The following TANGO6 variants were observed in gnomAD, a reference collection of about 807,000 sequenced individuals.
TANGO6 encodes transport and golgi organization 6 homolog, also known as transport and Golgi organization protein 6 homolog.
In TANGO6, 90 loss-of-function variants were observed where a neutral mutation model predicts 114.2. The observed-to-expected ratio is 0.79, with a 90% CI of 0.66 to 0.94. The LOEUF (loss-of-function observed/expected upper bound fraction) is 0.94, where lower values mean the gene tolerates loss of function less well. Among genes scored for constraint, TANGO6 ranks in the 40% least tolerant of loss-of-function variants. TANGO6 has a pLI of 0.00. For missense variants in TANGO6, 1,274 were observed against 1,315.3 expected, an observed-to-expected ratio of 0.97 and a Z score of 0.49; for synonymous variants, 477 against 509.8, an observed-to-expected ratio of 0.94 and a Z score of 0.87.
chr16:69,061,291 G>A (rs546898273), intron 17 of TANGO6, among the ~76,000 whole-genome samples: 82 of 152,164 alleles, frequency 5.4e-4, no homozygotes, highest in African/African-American at 1.7e-3. Flanking sequence ...CTGGCTGGAC[G>A]CAGTGGCTCA....
At chr16:69,017,037 C>G (rs901250908) in intron 15 of TANGO6, among the ~76,000 whole-genome samples, 5 of 151,812 alleles carry the variant, frequency 3.3e-5, no homozygotes, top group Non-Finnish European at 5.9e-5. Context: ...TGGAAGTAAA[C>G]GAAGACTGAA....
chr16:68,849,087 C>T (rs1276575795), intron 1 of TANGO6, among the ~76,000 whole-genome samples: 1 of 152,192 alleles, frequency 6.6e-6, no homozygotes, highest in Non-Finnish European at 1.5e-5. Context: ...ATAATCCCAG[C>T]ACTTTGGGAG....
intron 17 of TANGO6, among the ~76,000 whole-genome samples, chr16:69,081,345 C>A (rs12325031): frequency 2.6e-5 from 4 of 151,730 alleles, no homozygotes; most frequent in African/African-American, 9.7e-5. Flanking sequence ...CCTAGTTGGA[C>A]GAGTTGGTCC....
chr16:68,882,437 C>T (rs762207540), intron 7 of TANGO6, among the ~76,000 whole-genome samples: 10 of 151,562 alleles, frequency 6.6e-5, no homozygotes, highest in South Asian at 4.2e-4. Context: ...GCAGAGCTTG[C>T]AGTGAGCCGA....
chr16:68,884,421 T>C (rs1239569765), intron 7 of TANGO6, among the ~76,000 whole-genome samples: 1 of 152,192 alleles, frequency 6.6e-6, no homozygotes, highest in Non-Finnish European at 1.5e-5. Context: ...AAGAGGGGTC[T>C]TCTATCCTGT....
chr16:68,933,157 A>G (rs1807832005), intron 14 of TANGO6, among the ~76,000 whole-genome samples: 1 of 151,430 alleles, frequency 6.6e-6, no homozygotes, highest in South Asian at 2.1e-4. Context: ...GCTCACGCCT[A>G]TCATCCCAGC....
intron 1 of TANGO6, among the ~76,000 whole-genome samples, chr16:68,858,200 A>T (rs1028842545): frequency 6.6e-6 from 1 of 152,068 alleles, no homozygotes; most frequent in African/African-American, 2.4e-5. Flanking sequence ...AGTGGCTGGA[A>T]TTACAGGCAC....
At chr16:68,943,363 A>G (rs1048424416) in intron 14 of TANGO6, among the ~76,000 whole-genome samples, 1 of 131,596 alleles carries the variant, frequency 7.6e-6, no homozygotes, top group Non-Finnish European at 1.6e-5. Flanking sequence ...GAATCTGAGA[A>G]TTTTTTTTTT....
chr16:68,935,892 C>A (rs1259791316), intron 14 of TANGO6, among the ~76,000 whole-genome samples: 9 of 152,230 alleles, frequency 5.9e-5, no homozygotes, highest in East Asian at 5.8e-4. Flanking sequence ...TAGAATATGT[C>A]CTTGAAGGCT....
At chr16:68,848,189 C>T (rs1303299474) in intron 1 of TANGO6, among the ~76,000 whole-genome samples, 1 of 152,040 alleles carries the variant, frequency 6.6e-6, no homozygotes, top group Non-Finnish European at 1.5e-5. Flanking sequence ...ACACTGCAGC[C>T]TCAAACTTCT....
chr16:68,854,618 G>GT (rs572025557), intron 1 of TANGO6, among the ~76,000 whole-genome samples: 2,941 of 138,152 alleles, frequency 0.021, 26 homozygotes, highest in South Asian at 0.036. Flanking sequence ...AAAGGTCAAA[G>GT]TTTTTTTTTT....
intron 1 of TANGO6, among the ~76,000 whole-genome samples, chr16:68,857,040 C>A (rs530921066): frequency 6.6e-6 from 1 of 152,178 alleles, no homozygotes; most frequent in Non-Finnish European, 1.5e-5. Flanking sequence ...ACCCAGGAGG[C>A]GGAGTTTGCA....
chr16:68,954,751 C>T, intron 14 of TANGO6, among the ~76,000 whole-genome samples: 1 of 152,166 alleles, frequency 6.6e-6, no homozygotes, highest in Non-Finnish European at 1.5e-5. Context: ...TTATGAAAAA[C>T]ATCCTAATTG....
chr16:69,023,442 C>T (rs558374184), intron 16 of TANGO6, among the ~76,000 whole-genome samples: 5 of 151,754 alleles, frequency 3.3e-5, no homozygotes, highest in African/African-American at 4.8e-5. Context: ...GGCAACACAG[C>T]GAGATTCTGT....
intron 1 of TANGO6, among the ~76,000 whole-genome samples, chr16:68,850,668 G>C (rs571311274): frequency 6.6e-6 from 1 of 152,180 alleles, no homozygotes; most frequent in South Asian, 2.1e-4. Context: ...TGAGCTTTGC[G>C]GCCCATATGG....
chr16:68,863,508 G>A lies in TANGO6; in HGVS notation c.852+447G>A, dbSNP rs374381932. ...GCCTGCAATCCCAGCTACTTGGGAG[G>A]CTGAGGCAGGAGAATTGCTTGAACC... On this transcript the variant is annotated intron_variant, in intron 3 of 17. Coordinates refer to ENST00000261778, the MANE Select transcript of TANGO6 (RefSeq NM_024562.2). Among the ~76,000 whole-genome samples, 146 of 152,254 alleles carry A rather than the reference G, an allele frequency of 9.6e-4. No homozygotes were observed. In the South Asian group the frequency reaches 0.011, roughly 11 times the overall value.
At chr16:68,869,221 T>C (rs1567527893) in intron 4 of TANGO6, among the ~76,000 whole-genome samples, 1 of 152,220 alleles carries the variant, frequency 6.6e-6, no homozygotes, top group Non-Finnish European at 1.5e-5. Flanking sequence ...TGGTGGCTCA[T>C]GCCTATAATC....
chr16:68,876,909 T>C (rs1014628824), intron 5 of TANGO6, among the ~76,000 whole-genome samples: 8 of 152,220 alleles, frequency 5.3e-5, no homozygotes, highest in Admixed American at 3.3e-4. Context: ...ATTAATGTAC[T>C]GTAATTTATT....
At chr16:68,862,278 A>G (rs1962104581) in intron 2 of TANGO6, among the ~76,000 whole-genome samples, 1 of 152,062 alleles carries the variant, frequency 6.6e-6, no homozygotes, top group Non-Finnish European at 1.5e-5. Flanking sequence ...GCAGTGGTGC[A>G]ATCTTGACTC....
Sources: gnomAD v4.1 joint callset for allele counts (sites outside exome capture counted in the v4.1 genomes callset) on GRCh38, gnomAD v4.1.1 for gene constraint, MANE v1.5 for transcripts, NCBI Gene and HGNC (gene_info 2026-07-23, HGNC 2026-07-21) for gene names.